Variants in DSG4 observed in about 807,000 individuals in gnomAD.
DSG4 encodes desmoglein 4.
DSG4 carries 87 observed loss-of-function variants against 93.1 expected under a neutral mutation model. The ratio of observed to expected loss-of-function variants is 0.93; its 90% CI spans 0.79 to 1.12. DSG4 has a LOEUF of 1.12. Ranked by LOEUF, DSG4 falls within the 50% of genes most tolerant of loss-of-function variation. DSG4 has a pLI of 0.00. For synonymous variants in DSG4, 432 were observed against 452.9 expected, an observed-to-expected ratio of 0.95 and a Z score of 0.59; for missense variants, 1,373 against 1,285.7, an observed-to-expected ratio of 1.07 and a Z score of -1.04.
rs966314749 is a variant in DSG4 at position 31,392,195 on chromosome 18, T to G, written c.860T>G (p.Leu287Arg). 7 of 1,613,668 alleles carry G rather than the reference T, an allele frequency of 4.3e-6. No individual in the cohort carries two copies. Among genetic ancestry groups the G allele is most frequent in the African/African-American group, 1.3e-5 (1 of 74,910 alleles). Residue 287 changes from leucine to arginine, a missense_variant, in exon 8 of 16, where the codon CTG becomes CGG. Coordinates refer to ENST00000308128, the MANE Select transcript of DSG4 (RefSeq NM_177986.5). ...GAAGAGAATTGTTTAAGTTCGGAAC[T>G]GATACGATTACAAGCAATTGATCTT... ...SIEENCLSSE[L>R]IRLQAIDLDE...
intron 8 of DSG4, among the ~76,000 whole-genome samples, chr18:31,398,383 G>T (rs1051571177): frequency 2.6e-5 from 4 of 152,164 alleles, no homozygotes; most frequent in African/African-American, 9.7e-5. Flanking sequence ...CTTCTAAAAA[G>T]ATGTAACTCT....
At chr18:31,380,282 TG>T (rs1402409913) in intron 1 of DSG4, among the ~76,000 whole-genome samples, 1 of 152,224 alleles carries the variant, frequency 6.6e-6, no homozygotes, top group African/African-American at 2.4e-5. Flanking sequence ...ATACTTTTTT[TG>T]TTGGGGACAG....
chr18:31,406,209 A>G lies in DSG4; in HGVS notation c.1769A>G (p.Asp590Gly), dbSNP rs750706044. 3.1e-6 allele frequency: 5 copies of G among 1,614,188 alleles called. No individual in the cohort carries two copies. The East Asian group carries it at 6.7e-5, about 22-fold the overall frequency. ...GTGCAGTTATATGCCTGTGATTGCG[A>G]TGACAACCACATGTGCCTGGACTCT... Reference protein sequence around the residue: ...QMVQLYACDCDDNHMCLDSGA... With the variant: ...QMVQLYACDCGDNHMCLDSGA... The change falls in exon 12 of 16, where the codon GAT becomes GGT. Residue 590 changes from aspartate to glycine, a missense_variant. Asp to Gly is a moderately conservative substitution (Grantham distance 94, BLOSUM62 -1). Coordinates refer to ENST00000308128, the MANE Select transcript of DSG4 (RefSeq NM_177986.5).
At position 31,376,903 on chromosome 18, in the gene DSG4, C is replaced by T. The variant is rs1479699715; in HGVS notation, c.-9C>T. 3 of 1,613,452 alleles carry T rather than the reference C, an allele frequency of 1.9e-6. No homozygotes were observed. In the African/African-American group the frequency reaches 4.0e-5, roughly 22 times the overall value. On this transcript the variant is annotated 5_prime_UTR_variant, in exon 1 of 16. Transcript: ENST00000308128. ...TCACAGGATTTGCGTGCAAGAGAAA[C>T]CCAAAGGAATGGATTGGCTCTTCTT...
At chr18:31,384,812 G>A (rs752673814) in intron 1 of DSG4, among the ~76,000 whole-genome samples, 1 of 152,076 alleles carries the variant, frequency 6.6e-6, no homozygotes, top group African/African-American at 2.4e-5. Flanking sequence ...GCTTCATTCT[G>A]CAGAGCCCTT....
intron 12 of DSG4, 68 bp downstream of exon 12, chr18:31,406,441 G>A (rs1382419425): frequency 2.5e-6 from 4 of 1,595,080 alleles, no homozygotes; most frequent in African/African-American, 1.3e-5. Context: ...GGCTCGCTGG[G>A]ATGGTTAGGT....
At position 31,409,520 on chromosome 18, in the gene DSG4, G is replaced by T. The variant is rs1364667427; in HGVS notation, c.2002G>T (p.Ala668Ser). ...GCCAGAAGGCCTGGGAACAAGATTT[G>T]CTCCTGTGCCTGAGGGCGGAGAAGG... is the stretch of plus-strand genomic sequence containing the variant. ...RQPEGLGTRFAPVPEGGEGVM... is the reference protein window; with the variant it reads ...RQPEGLGTRFSPVPEGGEGVM... The change falls in exon 13 of 16, where the codon GCT becomes TCT. Residue 668 changes from alanine (A) to serine (S), a missense_variant. Ala to Ser is a moderately conservative substitution (Grantham distance 99). Transcript: ENST00000308128. 3 of 1,614,190 alleles carry T rather than the reference G, an allele frequency of 1.9e-6. No individual in the cohort carries two copies. The highest frequency in any genetic ancestry group is 2.5e-6 in the Non-Finnish European group (3 of 1,180,034).
Position 31,411,387 on chromosome 18 carries a change from C to G in DSG4, c.2294C>G (p.Thr765Ser). 1 of 1,614,090 alleles carries G rather than the reference C, an allele frequency of 6.2e-7. No individual in the cohort carries two copies. The highest frequency in any genetic ancestry group is 8.5e-7 in the Non-Finnish European group (1 of 1,180,014). ...AGGAAGAGGAGCTCTACCATGGGAA[C>G]CCTGCGGGACTACGCTGACGCAGAC... is the stretch of plus-strand genomic sequence containing the variant. ...AARKRSSTMGTLRDYADADIN... is the reference protein window; with the variant it reads ...AARKRSSTMGSLRDYADADIN... Residue 765 changes from threonine to serine, a missense_variant, in exon 15 of 16, where the codon ACC (threonine) becomes AGC (serine). Transcript: ENST00000308128.
In DSG4 at chr18:31,376,779, C is replaced by T. The variant is rs184332862; in HGVS notation, c.-133C>T. 5.1e-4 allele frequency: 480 copies of T among 935,986 alleles called. 4 individuals carry two copies. In the East Asian group the frequency reaches 0.011, roughly 22 times the overall value. The allele number at this position is 935,986 out of a possible 1,614,324, so 58.0% of individuals were successfully genotyped here. On this transcript the variant is annotated 5_prime_UTR_variant, in exon 1 of 16. Transcript: ENST00000308128. ...TCTTCATCTCTCTGCCCAGAGATCA[C>T]CACAGTTATCACCCATGCCCTCCTA... is the stretch of plus-strand genomic sequence containing the variant.
At chr18:31,382,329 G>T (rs896219060) in intron 1 of DSG4, 1 of 152,336 alleles carries the variant, frequency 6.6e-6, no homozygotes, top group Admixed American at 6.5e-5. Context: ...CTGGTCCAAA[G>T]GTAGTGAGTT....
Position 31,396,354 on chromosome 18 carries a change from C to CTT in DSG4, c.1006-2892_1006-2891dup, listed in dbSNP as rs71383035. On this transcript the variant is annotated intron_variant, in intron 8 of 15. Transcript: ENST00000308128. ...CTCTCGGAAGAAAATAGGGTCATTG[C>CTT]TTTTTTTTTTTTTTTTTTTTTTTTT... Among the ~76,000 whole-genome samples the CTT allele has an allele frequency of 2.7e-3, 201 of 74,012 alleles. 22 individuals carry two copies. Among genetic ancestry groups the CTT allele is most frequent in the African/African-American group, 6.6e-3 (110 of 16,632 alleles). The allele number at this position is 74,012 out of a possible 152,430, so 48.6% of individuals were successfully genotyped here.
chr18:31,378,064 G>A (rs549259215), intron 1 of DSG4, among the ~76,000 whole-genome samples: 1 of 152,290 alleles, frequency 6.6e-6, no homozygotes, highest in South Asian at 2.1e-4. Flanking sequence ...GAGCAGTGCG[G>A]GAGCCGAACA....
chr18:31,391,133 A>C lies in DSG4; in HGVS notation c.740A>C (p.Asp247Ala), dbSNP rs2072244466. Reference sequence around the variant, plus strand: ...GGCTCAGATCGGGATGGAGCTGCAGATGGACTGTCTTCTGAGTGTGACTGT... The same window carrying C: ...GGCTCAGATCGGGATGGAGCTGCAGCTGGACTGTCTTCTGAGTGTGACTGT... Reference protein sequence around the residue: ...VRGSDRDGAADGLSSECDCRI... With the variant: ...VRGSDRDGAAAGLSSECDCRI... Residue 247 changes from aspartate to alanine, a missense_variant, in exon 7 of 16, where the codon GAT becomes GCT. Coordinates refer to ENST00000308128, the MANE Select transcript of DSG4 (RefSeq NM_177986.5). 6.2e-7 allele frequency: 1 copy of C among 1,613,718 alleles called. No individual in the cohort carries two copies. Among genetic ancestry groups the C allele is most frequent in the Admixed American group, 1.7e-5 (1 of 59,972 alleles).
Position 31,388,897 on chromosome 18 carries a change from A to G in DSG4, c.396A>G (p.Ser132=). The G allele has an allele frequency of 6.2e-7, 1 of 1,613,604 alleles. No individual in the cohort carries two copies. Among genetic ancestry groups the G allele is most frequent in the Non-Finnish European group, 8.5e-7 (1 of 1,179,644 alleles). The part of the protein sequence containing the change: ...LFLIYCRALN[S]RGEDLERPLE... ...AGATCTATTGCCGGGCTCTGAATTC[A>G]CGGGGTGAAGATTTAGAAAGGCCTC... is the stretch of plus-strand genomic sequence containing the variant. The change falls in exon 5 of 16, where the codon TCA becomes TCG. Residue 132 remains serine (S), a synonymous_variant. Coordinates refer to ENST00000308128, the MANE Select transcript of DSG4 (RefSeq NM_177986.5).
At chr18:31,404,585 T>C (rs541669703) in intron 11 of DSG4, among the ~76,000 whole-genome samples, 32 of 152,216 alleles carry the variant, frequency 2.1e-4, no homozygotes, top group African/African-American at 7.0e-4. Flanking sequence ...CCCACCTCTT[T>C]AAGGTCACCA....
chr18:31,412,500 G>A (rs1446106715), intron 15 of DSG4, among the ~76,000 whole-genome samples: 4 of 152,134 alleles, frequency 2.6e-5, no homozygotes, highest in African/African-American at 9.7e-5. Flanking sequence ...CATTTTAAAA[G>A]AACTAAAATA....
rs559395133 is a variant in DSG4 at position 31,412,982 on chromosome 18, A to G, written c.2510A>G (p.Asp837Gly). The G allele has an allele frequency of 1.2e-6, 2 of 1,614,200 alleles. No individual in the cohort carries two copies. The highest frequency in any genetic ancestry group is 4.5e-5 in the East Asian group (2 of 44,876). ...GATGAAAGCTGCATGGAAACTTTAG[A>G]TCCAAAATTTAGGACTCTTGCTGAG... The part of the protein sequence containing the change: ...DLDESCMETL[D>G]PKFRTLAEIC... Residue 837 changes from aspartate to glycine, a missense_variant, in exon 16 of 16, where the codon GAT (aspartate) becomes GGT (glycine). Coordinates refer to ENST00000308128, the MANE Select transcript of DSG4 (RefSeq NM_177986.5).
In DSG4 at chr18:31,413,179, G is replaced by A. The variant is rs1040106512; in HGVS notation, c.2707G>A (p.Gly903Arg). ...EMAASEPVVHGDIIVTETYGN... is the reference protein window; with the variant it reads ...EMAASEPVVHRDIIVTETYGN... ...GGCAGCATCTGAACCCGTGGTCCAT[G>A]GGGATATTATTGTGACTGAGACTTA... Residue 903 changes from glycine (G) to arginine (R), a missense_variant, in exon 16 of 16, where the codon GGG becomes AGG. Transcript: ENST00000308128. 75 of 1,614,046 alleles carry A rather than the reference G, an allele frequency of 4.6e-5. No homozygotes were observed. In the Middle Eastern group the frequency reaches 4.9e-4, roughly 11 times the overall value.
At chr18:31,409,327 T>C (rs906307540) in intron 12 of DSG4, 125 bp from the exon 13 acceptor site, 18 of 1,435,018 alleles carry the variant, frequency 1.3e-5, no homozygotes, top group Non-Finnish European at 1.7e-5. Flanking sequence ...AATGAGATTT[T>C]CTTACATATA....
Sources: allele counts gnomAD v4.1 joint callset (sites outside exome capture counted in the v4.1 genomes callset), GRCh38; gene constraint gnomAD v4.1.1; transcripts MANE v1.5; gene names NCBI Gene and HGNC (gene_info 2026-07-23, HGNC 2026-07-21).